Variants in ABCA1 observed in about 807,000 individuals in gnomAD.
ABCA1 encodes ATP binding cassette subfamily A member 1.
In ABCA1, 133 loss-of-function variants were observed where a neutral mutation model predicts 262.5. The observed-to-expected ratio is 0.51, with a 90% confidence interval of 0.44 to 0.59. ABCA1 has a LOEUF of 0.59. Among genes scored for constraint, ABCA1 ranks in the 20% least tolerant of loss-of-function variants. ABCA1 has a pLI of 0.00. For synonymous variants in ABCA1, 1,022 were observed against 1,043.5 expected (o/e 0.98, Z 0.40); for missense variants, 2,452 against 2,777.5 (o/e 0.88, Z 2.63).
At chr9:104,850,705 A>G (rs1384211699) in intron 7 of ABCA1, among the ~76,000 whole-genome samples, 1 of 152,238 alleles carries the variant, frequency 6.6e-6, no homozygotes, top group East Asian at 1.9e-4. Flanking sequence ...TCTCCTGCTC[A>G]TGCTTACTTG....
intron 5 of ABCA1, among the ~76,000 whole-genome samples, chr9:104,874,001 C>T (rs1424690401): frequency 6.6e-6 from 1 of 152,172 alleles, no homozygotes; most frequent in African/African-American, 2.4e-5. Flanking sequence ...ATTTTCTACC[C>T]ACTTCCCTCA....
chr9:104,796,803 C>T (rs1406842973), intron 37 of ABCA1, among the ~76,000 whole-genome samples: 1 of 152,156 alleles, frequency 6.6e-6, no homozygotes, highest in Non-Finnish European at 1.5e-5. Flanking sequence ...TTATAGTCTG[C>T]CCAAGTTCAA....
At chr9:104,853,050 G>C (rs568300687) in intron 7 of ABCA1, among the ~76,000 whole-genome samples, 1 of 152,074 alleles carries the variant, frequency 6.6e-6, no homozygotes, top group Non-Finnish European at 1.5e-5. Flanking sequence ...CTGCTTCTTC[G>C]ATCTGTACAC....
intron 5 of ABCA1, among the ~76,000 whole-genome samples, chr9:104,876,347 T>C (rs569759254): frequency 2.6e-5 from 4 of 152,160 alleles, no homozygotes; most frequent in South Asian, 4.2e-4. Context: ...GGACGCCCTA[T>C]CCCGGGAAGG....
chr9:104,893,421 CAAAAAAAAAAAAAAAA>C (rs34544647), intron 2 of ABCA1, among the ~76,000 whole-genome samples: 5 of 35,266 alleles, frequency 1.4e-4, no homozygotes, highest in South Asian at 2.3e-3. Context: ...GACTTCACCT[CAAAAAAAAAAAAAAAA>C]AAAAAAAAAA....
At chr9:104,859,674 C>G (rs1836171269) in intron 6 of ABCA1, among the ~76,000 whole-genome samples, 1 of 152,196 alleles carries the variant, frequency 6.6e-6, no homozygotes, top group African/African-American at 2.4e-5. Flanking sequence ...CAGAGATACT[C>G]AAGCACACTT....
rs1828710690 is a variant in ABCA1 at position 104,784,254 on chromosome 9, A to C, written c.*61T>G. 3.7e-6 allele frequency: 6 copies of C among 1,607,200 alleles called. No homozygotes were observed. The highest frequency in any genetic ancestry group is 8.5e-7 in the Non-Finnish European group (1 of 1,174,792). On this transcript the variant is annotated 3_prime_UTR_variant, in exon 50 of 50. Transcript: ENST00000374736. ...GGCTCTTTTCTCCACAACACTTCAC[A>C]TGGTGCAAAGGAAAGTCTAGTTCCT...
intron 1 of ABCA1, among the ~76,000 whole-genome samples, chr9:104,921,808 G>A (rs1162200102): frequency 6.6e-6 from 1 of 152,186 alleles, no homozygotes; most frequent in Non-Finnish European, 1.5e-5. Context: ...AGGGGAGAAT[G>A]AATCAAAGAC....
intron 17 of ABCA1, 194 bp downstream of exon 17, chr9:104,825,489 A>T: frequency 3.1e-6 from 2 of 654,646 alleles, no homozygotes; most frequent in Non-Finnish European, 5.5e-6. Context: ...CACAGTTTTC[A>T]AGAAACAAGT....
In ABCA1 at chr9:104,814,743, C is replaced by A. The variant is rs979609925; in HGVS notation, c.3739-268G>T. Among the ~76,000 whole-genome samples, 17 of 152,192 alleles carry A rather than the reference C, an allele frequency of 1.1e-4. 2 individuals are homozygous for A. Among genetic ancestry groups the A allele is most frequent in the Admixed American group, 1.0e-3 (16 of 15,286 alleles). On this transcript the variant is annotated intron_variant, in intron 25 of 49. Transcript: ENST00000374736. Reference sequence around the variant, plus strand: ...GAGCGCTGTGGCTCAGGCCTATAATCCCAGCACTTTGGGAGGCCGAGGCGG... The same window carrying A: ...GAGCGCTGTGGCTCAGGCCTATAATACCAGCACTTTGGGAGGCCGAGGCGG...
At chr9:104,839,101 T>G (rs1453332138) in intron 9 of ABCA1, among the ~76,000 whole-genome samples, 1 of 152,190 alleles carries the variant, frequency 6.6e-6, no homozygotes, top group Admixed American at 6.5e-5. Flanking sequence ...CATCAAGTTT[T>G]CAAGGAAAAG....
At chr9:104,818,018 T>C (rs1831932477) in intron 23 of ABCA1, among the ~76,000 whole-genome samples, 1 of 152,142 alleles carries the variant, frequency 6.6e-6, no homozygotes, top group South Asian at 2.1e-4. Context: ...TACCTGGTAA[T>C]TGGGTCTGGT....
chr9:104,810,966 CG>C, intron 28 of ABCA1, 42 bp from the exon 29 acceptor site: 1 of 1,613,430 alleles, frequency 6.2e-7, no homozygotes, highest in Non-Finnish European at 8.5e-7. Flanking sequence ...CAGCAGGAAA[CG>C]GCAAGTGTTA....
chr9:104,822,377 T>G lies in ABCA1; in HGVS notation c.2828+119A>C. 3.0e-6 allele frequency: 4 copies of G among 1,332,990 alleles called. No individual in the cohort carries two copies. In the South Asian group the frequency reaches 4.7e-5, roughly 16 times the overall value. The allele number at this position is 1,332,990 out of a possible 1,614,324, so 82.6% of individuals were successfully genotyped here. A position where few individuals can be genotyped will look rare whatever the true frequency, so the allele number is the denominator to read the frequency against. On this transcript the variant is annotated intron_variant, in intron 19 of 49. Coordinates refer to ENST00000374736, the MANE Select transcript of ABCA1 (RefSeq NM_005502.4). ...AGATAACATGTTCACATTCGGCAAC[T>G]CCTCATGTGCTCCTTCCCTTGGCCC...
At chr9:104,796,233 G>C (rs758404203) in intron 38 of ABCA1, 36 bp from the exon 39 acceptor site, 1 of 1,614,000 alleles carries the variant, frequency 6.2e-7, no homozygotes, top group Non-Finnish European at 8.5e-7. Flanking sequence ...TCTACTGAGA[G>C]TCCCTGCCCT....
chr9:104,798,184 G>T (rs1305161739), intron 37 of ABCA1, among the ~76,000 whole-genome samples: 1 of 152,180 alleles, frequency 6.6e-6, no homozygotes, highest in Non-Finnish European at 1.5e-5. Flanking sequence ...AAGTGGTAGT[G>T]GTATTAATTT....
chr9:104,834,069 T>A (rs540000297), intron 11 of ABCA1, among the ~76,000 whole-genome samples: 1 of 150,132 alleles, frequency 6.7e-6, no homozygotes, highest in African/African-American at 2.4e-5. Flanking sequence ...AAATCAGTCT[T>A]AGTTTCACTA....
intron 7 of ABCA1, among the ~76,000 whole-genome samples, chr9:104,856,638 G>T (rs1237354617): frequency 6.6e-6 from 1 of 152,218 alleles, no homozygotes; most frequent in African/African-American, 2.4e-5. Context: ...GGCATTGTGT[G>T]AGTGGAGGGA....
intron 5 of ABCA1, among the ~76,000 whole-genome samples, chr9:104,868,984 G>A (rs1173216159): frequency 2.6e-5 from 4 of 152,060 alleles, no homozygotes; most frequent in Non-Finnish European, 5.9e-5. Flanking sequence ...AAGGTGGGAG[G>A]AGGGAGGAGA....
Sources: gnomAD v4.1 joint callset for allele counts (sites outside exome capture counted in the v4.1 genomes callset) on GRCh38, gnomAD v4.1.1 for gene constraint, MANE v1.5 for transcripts, NCBI Gene and HGNC (gene_info 2026-07-23, HGNC 2026-07-21) for gene names.